Variants in OTUD3 observed in about 807,000 individuals in gnomAD.
OTUD3 encodes OTU domain-containing protein 3.
In OTUD3, 24 loss-of-function variants were observed where a neutral mutation model predicts 46.2. The ratio of observed to expected loss-of-function variants is 0.52; its 90% CI spans 0.38 to 0.73. OTUD3 has a LOEUF of 0.73. Ranked by LOEUF, OTUD3 falls within the 30% of genes least tolerant of loss-of-function variation. The pLI is 0.00. For missense variants in OTUD3, 455 were observed against 523.3 expected (o/e 0.87, Z 1.27); for synonymous variants, 189 against 195.4 (o/e 0.97, Z 0.27).
Position 19,890,583 on chromosome 1 carries a change from AT to A in OTUD3, c.370+52del, listed in dbSNP as rs1295305697. The A allele has an allele frequency of 3.9e-6, 6 of 1,540,186 alleles. 1 individual carries two copies. The South Asian group carries it at 6.7e-5, about 17-fold the overall frequency. Reference sequence around the variant, plus strand: ...TCCTTCAGGAGTAATGCATTGGGTAATTAAGTCCACTGGCATCCTCCCCCCT... The same window carrying A: ...TCCTTCAGGAGTAATGCATTGGGTAATAAGTCCACTGGCATCCTCCCCCCT... On this transcript the variant is annotated intron_variant, in intron 2 of 7. Coordinates refer to ENST00000375120, the MANE Select transcript of OTUD3 (RefSeq NM_015207.2).
intron 4 of OTUD3, among the ~76,000 whole-genome samples, chr1:19,901,790 T>C (rs962323819): frequency 1.3e-5 from 2 of 152,234 alleles, no homozygotes; most frequent in African/African-American, 4.8e-5. Context: ...TTGTGGCTTC[T>C]TTCCCTCAGT....
chr1:19,894,484 G>A lies in OTUD3; in HGVS notation c.483+4G>A, dbSNP rs772710655. On this transcript the variant is annotated splice_donor_region_variant and intron_variant, in intron 3 of 7. Transcript: ENST00000375120. Reference sequence around the variant, plus strand: ...ACTTAATGCCCCTTTGTGGCAGGTAGGTCACCTATTTAAACATTTATCTTA... The same window carrying A: ...ACTTAATGCCCCTTTGTGGCAGGTAAGTCACCTATTTAAACATTTATCTTA... 9 of 1,515,090 alleles carry A rather than the reference G, an allele frequency of 5.9e-6. No homozygotes were observed. Among genetic ancestry groups the A allele is most frequent in the Non-Finnish European group, 8.2e-6 (9 of 1,100,500 alleles). The allele number at this position is 1,515,090 out of a possible 1,614,324, so 93.9% of individuals were successfully genotyped here.
chr1:19,896,296 T>C (rs569678485), intron 3 of OTUD3, among the ~76,000 whole-genome samples: 2 of 152,224 alleles, frequency 1.3e-5, no homozygotes, highest in African/African-American at 4.8e-5. Context: ...AATGTGAAAG[T>C]CCTCTGTAAT....
chr1:19,883,222 C>T (rs1417912339), intron 1 of OTUD3, among the ~76,000 whole-genome samples: 11 of 152,152 alleles, frequency 7.2e-5, no homozygotes, highest in Non-Finnish European at 1.2e-4. Flanking sequence ...GAAATTAGGT[C>T]GCCTGTTTAC....
In OTUD3 at chr1:19,901,275, C is replaced by A. The variant is rs1011913090; in HGVS notation, c.607-2992C>A. 2.6e-5 allele frequency among the ~76,000 whole-genome samples: 4 copies of A among 152,286 alleles called. 1 individual carries two copies. The East Asian group carries it at 7.7e-4, about 29-fold the overall frequency. On this transcript the variant is annotated intron_variant, in intron 4 of 7. Coordinates refer to ENST00000375120, the MANE Select transcript of OTUD3 (RefSeq NM_015207.2). ...GAGTAATTTAAGGAAAAGCTGACAT[C>A]TTTTTGATGTTGAGTCTTTTATTAT... is the stretch of plus-strand genomic sequence containing the variant.
At chr1:19,888,105 A>G (rs2045394657) in intron 1 of OTUD3, among the ~76,000 whole-genome samples, 1 of 152,182 alleles carries the variant, frequency 6.6e-6, no homozygotes, top group Non-Finnish European at 1.5e-5. Flanking sequence ...ATGTCTAGAG[A>G]CATCTTTGGT....
rs1445884046 is a variant in OTUD3, at chr1:19,904,132, G to C, written c.607-135G>C. Reference sequence around the variant, plus strand: ...GATAAAATGGAGCCTAGTCATTGCTGTTCTCTTAAGGTTGTTTCTAGAAGG... The same window carrying C: ...GATAAAATGGAGCCTAGTCATTGCTCTTCTCTTAAGGTTGTTTCTAGAAGG... On this transcript the variant is annotated intron_variant, in intron 4 of 7. Transcript: ENST00000375120. The C allele has an allele frequency of 5.4e-6, 3 of 551,440 alleles. No individual in the cohort carries two copies. The African/African-American group carries it at 5.7e-5, about 11-fold the overall frequency. The allele number at this position is 551,440 out of a possible 1,614,324, so 34.2% of individuals were successfully genotyped here.
chr1:19,905,121 T>C (rs2045640757), intron 6 of OTUD3, 134 bp downstream of exon 6: 3 of 601,596 alleles, frequency 5.0e-6, no homozygotes, highest in Admixed American at 3.1e-5. Context: ...GAGCACGTTC[T>C]GTACGTAGAC....
rs373450176 is a variant in OTUD3, at chr1:19,897,532, G to A, written c.484-8G>A. The A allele has an allele frequency of 5.1e-5, 83 of 1,613,674 alleles. No homozygotes were observed. The East Asian group carries it at 6.7e-4, about 13-fold the overall frequency. On this transcript the variant is annotated splice_polypyrimidine_tract_variant and splice_region_variant and intron_variant, in intron 3 of 7. Coordinates refer to ENST00000375120, the MANE Select transcript of OTUD3 (RefSeq NM_015207.2). ...CCTCACTGGCATGGCCCCTTCTTTT[G>A]TCTACAGATTCGTGGTACAGAGAAA...
At chr1:19,898,487 G>GGGAGGC (rs1232837202) in intron 4 of OTUD3, among the ~76,000 whole-genome samples, 1 of 151,806 alleles carries the variant, frequency 6.6e-6, no homozygotes, top group African/African-American at 2.4e-5. Flanking sequence ...CCAGCACTTT[G>GGGAGGC]GGAGGCCGAG....
intron 4 of OTUD3, among the ~76,000 whole-genome samples, chr1:19,898,360 T>C (rs1389354108): frequency 1.2e-4 from 19 of 152,292 alleles, no homozygotes; most frequent in African/African-American, 4.6e-4. Flanking sequence ...ACTGTTTTGG[T>C]AGATTTCCAT....
Position 19,906,633 on chromosome 1 carries a change from T to G in OTUD3, c.1020+17T>G, listed in dbSNP as rs2045665180. 2 of 1,589,610 alleles carry G rather than the reference T, an allele frequency of 1.3e-6. No homozygotes were observed. The highest frequency in any genetic ancestry group is 2.7e-5 in the African/African-American group (2 of 74,310). On this transcript the variant is annotated intron_variant, in intron 7 of 7. Transcript: ENST00000375120. ...CTCGCAAAGGTATGTAAGATGGGGT[T>G]GAATGGGCAGGTGGTGGGCAGGTGT...
chr1:19,891,162 A>G (rs1270709753), intron 2 of OTUD3, among the ~76,000 whole-genome samples: 1 of 152,180 alleles, frequency 6.6e-6, no homozygotes, highest in Non-Finnish European at 1.5e-5. Context: ...AATCATGTTA[A>G]TTTCTCACCC....
At chr1:19,887,831 C>T (rs974474823) in intron 1 of OTUD3, among the ~76,000 whole-genome samples, 5 of 152,172 alleles carry the variant, frequency 3.3e-5, no homozygotes, top group African/African-American at 4.8e-5. Flanking sequence ...ACCCAGTACC[C>T]TATCTGGTCT....
At chr1:19,890,250 C>T in intron 1 of OTUD3, 135 bp from the exon 2 acceptor site, 1 of 815,884 alleles carries the variant, frequency 1.2e-6, no homozygotes, top group Non-Finnish European at 2.0e-6. Context: ...TGGAAGAATC[C>T]TGGACTATTA....
At chr1:19,900,547 A>G (rs1396979546) in intron 4 of OTUD3, among the ~76,000 whole-genome samples, 3 of 152,194 alleles carry the variant, frequency 2.0e-5, no homozygotes, top group Non-Finnish European at 2.9e-5. Context: ...TTATATTGAA[A>G]TAAGGGTAGG....
chr1:19,894,873 C>T (rs2045497248), intron 3 of OTUD3, among the ~76,000 whole-genome samples: 1 of 152,264 alleles, frequency 6.6e-6, no homozygotes, highest in Non-Finnish European at 1.5e-5. Context: ...TGCTCCACCA[C>T]TCACCGCTTT....
At chr1:19,907,027 G>A (rs886361207) in intron 7 of OTUD3, 15 of 167,018 alleles carry the variant, frequency 9.0e-5, no homozygotes, top group Non-Finnish European at 7.8e-5. Flanking sequence ...TAAAGGTCAT[G>A]GATACATGAA....
intron 3 of OTUD3, among the ~76,000 whole-genome samples, chr1:19,896,899 C>T (rs2045525074): frequency 6.6e-6 from 1 of 152,144 alleles, no homozygotes; most frequent in African/African-American, 2.4e-5. Context: ...GGGTTGAGCG[C>T]TACAGGCCGT....
Sources: gnomAD v4.1 joint callset for allele counts (sites outside exome capture counted in the v4.1 genomes callset) on GRCh38, gnomAD v4.1.1 for gene constraint, MANE v1.5 for transcripts, NCBI Gene and HGNC (gene_info 2026-07-23, HGNC 2026-07-21) for gene names.